Variants in PRKDC observed in about 807,000 individuals in gnomAD.
PRKDC encodes the protein DNA-dependent protein kinase catalytic subunit.
In PRKDC, 82 loss-of-function variants were observed where a neutral mutation model predicts 486.9. That is an observed-to-expected ratio of 0.17 (90% CI 0.14 to 0.20). The LOEUF (loss-of-function observed/expected upper bound fraction) is 0.20. Among genes scored for constraint, PRKDC ranks in the 10% least tolerant of loss-of-function variants. PRKDC has a pLI of 1.00. For synonymous variants in PRKDC, 1,895 were observed against 1,837.0 expected (o/e 1.03, Z -0.81); for missense variants, 4,504 against 5,038.2 (o/e 0.89, Z 3.21).
chr8:47,897,756 C>T (rs1441881642), intron 29 of PRKDC, among the ~76,000 whole-genome samples: 1 of 152,190 alleles, frequency 6.6e-6, no homozygotes, highest in South Asian at 2.1e-4. Context: ...CTAATGTATG[C>T]TAAAGTTAGA....
At chr8:47,930,160 T>C in intron 17 of PRKDC, 148 bp from the exon 18 acceptor site, 1 of 629,304 alleles carries the variant, frequency 1.6e-6, no homozygotes, top group South Asian at 2.8e-5. Context: ...TATAATCCAT[T>C]TTTCTCTACC....
intron 63 of PRKDC, among the ~76,000 whole-genome samples, chr8:47,824,239 C>T (rs188350310): frequency 2.6e-5 from 4 of 152,014 alleles, no homozygotes; most frequent in East Asian, 3.9e-4. Context: ...GAATCTGGGA[C>T]GGGCGTGGCG....
intron 18 of PRKDC, 46 bp downstream of exon 18, chr8:47,929,807 T>A (rs761895266): frequency 6.5e-7 from 1 of 1,530,954 alleles, no homozygotes; most frequent in South Asian, 1.2e-5. Flanking sequence ...TATATACTCA[T>A]GACCTAAAAA....
At chr8:47,875,852 G>A (rs974763595) in intron 40 of PRKDC, among the ~76,000 whole-genome samples, 1 of 152,082 alleles carries the variant, frequency 6.6e-6, no homozygotes, top group Non-Finnish European at 1.5e-5. Flanking sequence ...GAATGCTGCA[G>A]GTATGCTCCA....
chr8:47,794,433 G>A lies in PRKDC; in HGVS notation c.10527C>T (p.Asp3509=), dbSNP rs777355548. ...CAGAGTGCTGAACAGCAACGGCTTG[G>A]TCTTTGTCCAGTAAGGCCACCATGT... is the stretch of plus-strand genomic sequence containing the variant. ...ISHMVALLDK[D]QAVAVQHSVE... Residue 3509 remains aspartate (D), a synonymous_variant, in exon 74 of 86, where the codon GAC becomes GAT. Transcript: ENST00000314191. The A allele has an allele frequency of 6.2e-7, 1 of 1,613,838 alleles. No homozygotes were observed. The highest frequency in any genetic ancestry group is 8.5e-7 in the Non-Finnish European group (1 of 1,179,724).
chr8:47,885,076 T>C (rs1322917405), intron 36 of PRKDC, among the ~76,000 whole-genome samples: 1 of 152,220 alleles, frequency 6.6e-6, no homozygotes, highest in African/African-American at 2.4e-5. Flanking sequence ...CTTATAATAT[T>C]TAGGCTTAGA....
chr8:47,948,096 T>C (rs2067339761), intron 7 of PRKDC, among the ~76,000 whole-genome samples: 1 of 137,328 alleles, frequency 7.3e-6, no homozygotes, highest in Admixed American at 7.9e-5. Context: ...AAAAATATAT[T>C]TGCACACACA....
At chr8:47,821,843 A>G (rs2087604374) in intron 64 of PRKDC, 51 bp from the exon 65 acceptor site, 2 of 1,411,822 alleles carry the variant, frequency 1.4e-6, no homozygotes, top group African/African-American at 1.5e-5. Flanking sequence ...AAAGAATACC[A>G]ATGAGAACAC....
Position 47,881,465 on chromosome 8 carries a change from G to A in PRKDC, c.5018C>T (p.Thr1673Ile). 16 of 1,577,592 alleles carry A rather than the reference G, an allele frequency of 1.0e-5. No individual in the cohort carries two copies. The highest frequency in any genetic ancestry group is 1.4e-5 in the Non-Finnish European group (16 of 1,150,400). Residue 1673 changes from threonine to isoleucine, a missense_variant, in exon 38 of 86, where the codon ACA becomes ATA. This residue lies in a region of PRKDC where 1,969 missense variants were observed against 2,068.9 expected (regional missense o/e 0.95). Transcript: ENST00000314191. ...GTCAGCAAGTAGACTAATATATGTT[G>A]TAAAGACTTCAGGGAATGAACCATG... Reference protein sequence around the residue: ...TSHGSFPEVFTTYISLLADTK... With the variant: ...TSHGSFPEVFITYISLLADTK...
At chr8:47,923,783 C>T (rs994133567) in intron 21 of PRKDC, among the ~76,000 whole-genome samples, 2 of 152,164 alleles carry the variant, frequency 1.3e-5, no homozygotes, top group Admixed American at 1.3e-4. Flanking sequence ...CCTTGGTCCT[C>T]CAATCACATG....
chr8:47,798,755 A>C (rs1258698256), intron 72 of PRKDC, among the ~76,000 whole-genome samples: 1 of 152,216 alleles, frequency 6.6e-6, no homozygotes, highest in African/African-American at 2.4e-5. Flanking sequence ...ATGGAAACAG[A>C]GGACCACTTG....
At chr8:47,928,744 T>C (rs988203902) in intron 19 of PRKDC, among the ~76,000 whole-genome samples, 17 of 152,004 alleles carry the variant, frequency 1.1e-4, no homozygotes, top group African/African-American at 4.1e-4. Context: ...AGTACAGTAG[T>C]GCAATCTCAG....
intron 7 of PRKDC, among the ~76,000 whole-genome samples, chr8:47,949,143 G>T (rs1030632343): frequency 6.6e-6 from 1 of 152,124 alleles, no homozygotes; most frequent in Non-Finnish European, 1.5e-5. Flanking sequence ...CCCTTCCTCT[G>T]ACCTCCTCTG....
At chr8:47,812,389 G>T (rs545136395) in intron 68 of PRKDC, among the ~76,000 whole-genome samples, 55 of 152,270 alleles carry the variant, frequency 3.6e-4, no homozygotes, top group African/African-American at 1.2e-3. Flanking sequence ...GCACATAAAA[G>T]AAGTCTCAAT....
rs1355568889 is a variant in PRKDC at position 47,800,963 on chromosome 8, A to C, written c.9946T>G (p.Leu3316Val). The change falls in exon 71 of 86, where the codon TTA (leucine) becomes GTA (valine). Residue 3316 changes from leucine (L) to valine (V), a missense_variant. By Grantham distance (32) the Leu-to-Val change is conservative. This residue lies in a region of PRKDC where 1,592 missense variants were observed against 1,724.6 expected (regional missense o/e 0.92). Transcript: ENST00000314191. ...CGGAAAGCCAGAATATTTTTGCTTA[A>C]GTAGCTTGACACGTTGTTCTCATCT... Reference protein sequence around the residue: ...LLDENNVSSYLSKNILAFRDQ... With the variant: ...LLDENNVSSYVSKNILAFRDQ... The C allele has an allele frequency of 6.2e-6, 10 of 1,613,976 alleles. No homozygotes were observed. Among genetic ancestry groups the C allele is most frequent in the Non-Finnish European group, 8.5e-6 (10 of 1,179,870 alleles).
chr8:47,798,902 G>A (rs2087038305), intron 72 of PRKDC, among the ~76,000 whole-genome samples: 1 of 151,722 alleles, frequency 6.6e-6, no homozygotes, highest in Admixed American at 6.6e-5. Flanking sequence ...TCTGCCTCCT[G>A]GGTTCAAGCA....
At chr8:47,783,051 G>A (rs2086723928) in intron 78 of PRKDC, 1 of 174,686 alleles carries the variant, frequency 5.7e-6, no homozygotes. Flanking sequence ...GATGGGGCAG[G>A]TAGATCACTT....
chr8:47,857,066 C>A, intron 49 of PRKDC, 90 bp downstream of exon 49: 1 of 1,349,852 alleles, frequency 7.4e-7, no homozygotes, highest in Non-Finnish European at 9.8e-7. Context: ...ATAGCACAGT[C>A]AGTGAGAGGG....
intron 25 of PRKDC, among the ~76,000 whole-genome samples, chr8:47,911,512 A>G (rs1050563000): frequency 1.3e-5 from 2 of 152,214 alleles, no homozygotes; most frequent in African/African-American, 4.8e-5. Flanking sequence ...TATGAGCTCT[A>G]TTTAATCACA....
Sources: allele counts gnomAD v4.1 joint callset (sites outside exome capture counted in the v4.1 genomes callset), GRCh38; gene constraint gnomAD v4.1.1; regional missense constraint gnomAD v4.1.1; transcripts MANE v1.5; gene names NCBI Gene and HGNC (gene_info 2026-07-23, HGNC 2026-07-21).